Variants in ARHGEF28 observed in about 807,000 individuals in gnomAD.
ARHGEF28 encodes the protein Rho guanine nucleotide exchange factor 28.
Under a neutral mutation model 206.6 loss-of-function variants are expected in ARHGEF28, and 152 were observed. The ratio of observed to expected loss-of-function variants is 0.74; its 90% CI spans 0.64 to 0.84. ARHGEF28 has a LOEUF of 0.84. Ranked by LOEUF, ARHGEF28 falls within the 40% of genes least tolerant of loss-of-function variation. The probability of loss-of-function intolerance (pLI) is 0.00; values close to 1 mark genes in which losing one functional copy is unlikely to be tolerated. For synonymous variants in ARHGEF28, 763 were observed against 776.4 expected (o/e 0.98, Z 0.29); for missense variants, 2,028 against 2,073.2 (o/e 0.98, Z 0.42).
intron 29 of ARHGEF28, among the ~76,000 whole-genome samples, chr5:73,895,764 G>A (rs1476759312): frequency 6.6e-6 from 1 of 152,176 alleles, no homozygotes; most frequent in East Asian, 1.9e-4. Flanking sequence ...GCAGAGATGA[G>A]CAGTTTTGAC....
chr5:73,861,352 A>G (rs2112619885), intron 16 of ARHGEF28, among the ~76,000 whole-genome samples: 1 of 152,364 alleles, frequency 6.6e-6, no homozygotes, highest in East Asian at 1.9e-4. Flanking sequence ...AATAGTATTT[A>G]TAGAAGTTAT....
chr5:73,749,784 C>T (rs186866991), intron 2 of ARHGEF28, 53 bp from the exon 3 acceptor site: 1 of 1,601,288 alleles, frequency 6.2e-7, no homozygotes, highest in Admixed American at 1.7e-5. Context: ...ATTGTGCTTT[C>T]TTAGAGCCAG....
At chr5:73,785,758 A>G (rs978056751) in intron 7 of ARHGEF28, among the ~76,000 whole-genome samples, 1 of 152,166 alleles carries the variant, frequency 6.6e-6, no homozygotes, top group African/African-American at 2.4e-5. Context: ...GCTTCTCCCC[A>G]TAAATTATCT....
At chr5:73,827,658 C>T (rs548819014) in intron 9 of ARHGEF28, among the ~76,000 whole-genome samples, 3 of 152,174 alleles carry the variant, frequency 2.0e-5, no homozygotes, top group Non-Finnish European at 4.4e-5. Flanking sequence ...CTGCAACACA[C>T]GAGTGTTTTT....
At chr5:73,845,657 G>A (rs767821755) in intron 11 of ARHGEF28, among the ~76,000 whole-genome samples, 4 of 152,112 alleles carry the variant, frequency 2.6e-5, no homozygotes, top group Non-Finnish European at 5.9e-5. Flanking sequence ...GAAGTGGTGA[G>A]GTTAGTACTA....
intron 20 of ARHGEF28, among the ~76,000 whole-genome samples, chr5:73,869,304 A>G (rs1759928120): frequency 6.6e-6 from 1 of 152,010 alleles, no homozygotes; most frequent in Admixed American, 6.6e-5. Context: ...TTTGTGACTC[A>G]AGTACTTAGA....
At chr5:73,925,712 T>C (rs1763759341) in intron 35 of ARHGEF28, among the ~76,000 whole-genome samples, 1 of 152,136 alleles carries the variant, frequency 6.6e-6, no homozygotes, top group Non-Finnish European at 1.5e-5. Flanking sequence ...TGGAACACTT[T>C]GTGCCTTTTG....
intron 1 of ARHGEF28, among the ~76,000 whole-genome samples, chr5:73,683,829 A>G (rs1747265123): frequency 6.6e-6 from 1 of 152,214 alleles, no homozygotes; most frequent in African/African-American, 2.4e-5. Context: ...CCTGGAGCCA[A>G]GCGATGAACA....
rs1298324685 is a variant in ARHGEF28, at chr5:73,894,501, C to G, written c.3767C>G (p.Pro1256Arg). 3 of 1,613,926 alleles carry G rather than the reference C, an allele frequency of 1.9e-6. No homozygotes were observed. The highest frequency in any genetic ancestry group is 1.3e-5 in the African/African-American group (1 of 75,010). The change falls in exon 29 of 36, where the codon CCC (proline) becomes CGC (arginine). Residue 1256 changes from proline (P) to arginine (R), a missense_variant. Pro to Arg is a moderately radical substitution (Grantham distance 103). Transcript: ENST00000513042. ...GGATTTGAGGACGTCCATCTAGAGCCCCACCTCCTTATTAAACCTGACCCA... is the reference window on the plus strand; with the variant it reads ...GGATTTGAGGACGTCCATCTAGAGCGCCACCTCCTTATTAAACCTGACCCA... ...LSGFEDVHLE[P>R]HLLIKPDPGE...
intron 6 of ARHGEF28, among the ~76,000 whole-genome samples, chr5:73,777,650 G>A (rs1191201386): frequency 1.3e-5 from 2 of 152,132 alleles, no homozygotes; most frequent in Non-Finnish European, 2.9e-5. Context: ...ATAAAACATG[G>A]TCTTCAGAGT....
intron 2 of ARHGEF28, among the ~76,000 whole-genome samples, chr5:73,721,409 C>G (rs564965884): frequency 2.6e-5 from 4 of 152,270 alleles, no homozygotes; most frequent in African/African-American, 9.6e-5. Flanking sequence ...CTACTTAGAT[C>G]CTGTTGAATG....
At position 73,901,360 on chromosome 5, in the gene ARHGEF28, A is replaced by C. The variant is rs434065; in HGVS notation, c.4074+76A>C. The C allele has an allele frequency of 0.42, 535,266 of 1,271,148 alleles. 115,611 individuals carry two copies. Among genetic ancestry groups the C allele is most frequent in the African/African-American group, 0.64 (42,901 of 67,414 alleles). 78.7% of individuals were successfully genotyped at this position (1,271,148 alleles called of 1,614,324 possible). On this transcript the variant is annotated intron_variant, in intron 31 of 35. Transcript: ENST00000513042. The stretch of plus-strand genomic sequence containing the variant: ...AAATAGCCTCAGGTTCTGGTCTGTC[A>C]CGGCAGTCAGTGGGGCAAAGGTGCT...
At chr5:73,890,963 G>A (rs879361619) in intron 26 of ARHGEF28, among the ~76,000 whole-genome samples, 4 of 152,244 alleles carry the variant, frequency 2.6e-5, no homozygotes, top group Non-Finnish European at 5.9e-5. Context: ...AAAGACATTG[G>A]AGGATCACAG....
At chr5:73,938,464 A>C (rs1742343804) in intron 35 of ARHGEF28, among the ~76,000 whole-genome samples, 1 of 152,106 alleles carries the variant, frequency 6.6e-6, no homozygotes, top group South Asian at 2.1e-4. Context: ...CAGATGTGTC[A>C]GCAATGACCT....
At chr5:73,843,953 G>A (rs1758143691) in intron 11 of ARHGEF28, among the ~76,000 whole-genome samples, 1 of 152,014 alleles carries the variant, frequency 6.6e-6, no homozygotes, top group African/African-American at 2.4e-5. Context: ...AAAATGATTT[G>A]TGCAACATAT....
At chr5:73,699,474 T>C (rs1260153546) in intron 2 of ARHGEF28, among the ~76,000 whole-genome samples, 4 of 152,130 alleles carry the variant, frequency 2.6e-5, no homozygotes, top group Admixed American at 2.6e-4. Flanking sequence ...GTTGCAGGTA[T>C]ACACCATGTC....
chr5:73,820,739 G>A (rs370601080), intron 9 of ARHGEF28, among the ~76,000 whole-genome samples: 1 of 152,170 alleles, frequency 6.6e-6, no homozygotes, highest in Non-Finnish European at 1.5e-5. Context: ...GCAGGCCACA[G>A]GTGCTCAATT....
chr5:73,803,968 C>G (rs1363774387), intron 9 of ARHGEF28, among the ~76,000 whole-genome samples: 1 of 150,686 alleles, frequency 6.6e-6, no homozygotes, highest in East Asian at 2.0e-4. Flanking sequence ...GCCTGTGGTC[C>G]TAGCTATTCA....
intron 16 of ARHGEF28, among the ~76,000 whole-genome samples, chr5:73,864,069 TA>T (rs1187783105): frequency 1.3e-5 from 2 of 152,110 alleles, no homozygotes; most frequent in African/African-American, 4.8e-5. Context: ...CGGTCTATGC[TA>T]CAGTGTGTGT....
Sources: gnomAD v4.1 joint callset for allele counts (sites outside exome capture counted in the v4.1 genomes callset) on GRCh38, gnomAD v4.1.1 for gene constraint, MANE v1.5 for transcripts, NCBI Gene and HGNC (gene_info 2026-07-23, HGNC 2026-07-21) for gene names.